Variants in HMCN2 observed in about 807,000 individuals in gnomAD.
The protein encoded by HMCN2 is hemicentin 2.
Under a neutral mutation model 377.5 loss-of-function variants are expected in HMCN2, and 325 were observed. The observed-to-expected ratio is 0.86, with a 90% CI of 0.79 to 0.94. HMCN2 has a LOEUF of 0.94. HMCN2 is among the 40% of genes least tolerant of loss of function. The pLI is 0.00. For synonymous variants in HMCN2, 2,007 were observed against 2,046.8 expected (o/e 0.98, Z 0.53); for missense variants, 4,543 against 4,725.3 (o/e 0.96, Z 1.13).
intron 37 of HMCN2, among the ~76,000 whole-genome samples, chr9:130,359,715 G>C (rs978948736): frequency 2.6e-5 from 4 of 152,132 alleles, no homozygotes; most frequent in African/African-American, 9.7e-5. Flanking sequence ...TGGTCTGTAG[G>C]GTCCTCCCCT....
rs1456517012 is a variant in HMCN2 at position 130,299,107 on chromosome 9, A to G, written c.1095A>G (p.Ser365=). The G allele has an allele frequency of 2.1e-6, 1 of 471,036 alleles. No individual in the cohort carries two copies. Among genetic ancestry groups the G allele is most frequent in the Non-Finnish European group, 4.4e-6 (1 of 227,028 alleles). 29.2% of individuals were successfully genotyped at this position (471,036 alleles called of 1,614,324 possible). A position where few individuals can be genotyped will look rare whatever the true frequency, so the allele number is the denominator to read the frequency against. ...ACTCGGTGGAGCTGGCACAAAGCTC[A>G]GGGAAGCCCCTCCTGACTCTGCCCA... The part of the protein sequence containing the change: ...RLDSVELAQS[S]GKPLLTLPTK... The change falls in exon 8 of 98, where the codon TCA becomes TCG. Residue 365 remains serine (S), a synonymous_variant. Coordinates refer to ENST00000683500, the MANE Select transcript of HMCN2 (RefSeq NM_001291815.2).
intron 49 of HMCN2, among the ~76,000 whole-genome samples, chr9:130,375,289 G>A (rs1841314026): frequency 6.6e-6 from 1 of 152,190 alleles, no homozygotes; most frequent in African/African-American, 2.4e-5. Flanking sequence ...AGAGAGGCTG[G>A]ATGTTGAGAA....
Position 130,403,056 on chromosome 9 carries a change from G to A in HMCN2, c.11879-138G>A, listed in dbSNP as rs537753772. On this transcript the variant is annotated intron_variant, in intron 78 of 97. Coordinates refer to ENST00000683500, the MANE Select transcript of HMCN2 (RefSeq NM_001291815.2). The stretch of plus-strand genomic sequence containing the variant: ...TGGCAGGAAAAGAATCAGCCATGGC[G>A]TCCTTGTTGCTGTGGCCGATGTTTC... 1.3e-5 allele frequency: 14 copies of A among 1,047,828 alleles called. No homozygotes were observed. The East Asian group carries it at 3.0e-4, about 23-fold the overall frequency. The allele number at this position is 1,047,828 out of a possible 1,614,324, so 64.9% of individuals were successfully genotyped here. A position where few individuals can be genotyped will look rare whatever the true frequency, so the allele number is the denominator to read the frequency against.
intron 26 of HMCN2, chr9:130,348,343 C>T (rs949124859): frequency 4.8e-5 from 33 of 691,896 alleles, no homozygotes; most frequent in East Asian, 1.3e-4. Flanking sequence ...GGCCTGGGCA[C>T]GACTGGGGGT....
At chr9:130,338,987 G>A (rs1409964707) in intron 23 of HMCN2, among the ~76,000 whole-genome samples, 2 of 152,100 alleles carry the variant, frequency 1.3e-5, no homozygotes, top group African/African-American at 2.4e-5. Flanking sequence ...CCAGAAGTTC[G>A]AGACCAGCCT....
In HMCN2 at chr9:130,424,768, C is replaced by A; in HGVS notation, c.13382-8C>A. 1 of 1,531,612 alleles carries A rather than the reference C, an allele frequency of 6.5e-7. No individual in the cohort carries two copies. The highest frequency in any genetic ancestry group is 8.8e-7 in the Non-Finnish European group (1 of 1,137,642). 94.9% of individuals were successfully genotyped at this position (1,531,612 alleles called of 1,614,324 possible). The stretch of plus-strand genomic sequence containing the variant: ...TCTAACCCGGCCTCTATGCCCTGCC[C>A]CACCCAGGGCCTCTGATGCGGGTGC... On this transcript the variant is annotated splice_region_variant and splice_polypyrimidine_tract_variant and intron_variant, in intron 87 of 97. Coordinates refer to ENST00000683500, the MANE Select transcript of HMCN2 (RefSeq NM_001291815.2).
chr9:130,311,624 C>T (rs1837245381), intron 15 of HMCN2, among the ~76,000 whole-genome samples: 1 of 152,178 alleles, frequency 6.6e-6, no homozygotes, highest in Non-Finnish European at 1.5e-5. Context: ...CCCAGGAAGA[C>T]TTCTTGGAGG....
intron 64 of HMCN2, 43 bp from the exon 65 acceptor site, chr9:130,391,407 G>A: frequency 1.8e-5 from 18 of 987,814 alleles, no homozygotes; most frequent in Non-Finnish European, 2.2e-5. Flanking sequence ...TAGGGCCCAT[G>A]TTCCCTTACG....
At position 130,433,642 on chromosome 9, in the gene HMCN2, C is replaced by T. The variant is rs748714889; in HGVS notation, c.15189C>T (p.Arg5063=). The T allele has an allele frequency of 2.6e-5, 40 of 1,519,126 alleles. No individual in the cohort carries two copies. The South Asian group carries it at 4.7e-4, about 18-fold the overall frequency. The allele number at this position is 1,519,126 out of a possible 1,614,324, so 94.1% of individuals were successfully genotyped here. A position where few individuals can be genotyped will look rare whatever the true frequency, so the allele number is the denominator to read the frequency against. ...TCACCGTGCGTGCTGCGGCACCGCG[C>T]CACCAAAGCGTCTTCGTCTTGCTCA... ...YRLTVRAAAP[R]HQSVFVLLIA... The change falls in exon 98 of 98, where the codon CGC becomes CGT. Residue 5063 remains arginine (R), a synonymous_variant. Coordinates refer to ENST00000683500, the MANE Select transcript of HMCN2 (RefSeq NM_001291815.2).
intron 48 of HMCN2, among the ~76,000 whole-genome samples, 175 bp downstream of exon 48, chr9:130,373,299 C>G (rs1206272352): frequency 2.6e-5 from 4 of 152,150 alleles, no homozygotes; most frequent in Non-Finnish European, 5.9e-5. Context: ...GTTCTTCCAT[C>G]CCAAACACTC....
intron 43 of HMCN2, 54 bp from the exon 44 acceptor site, chr9:130,368,222 C>T (rs1042679547): frequency 4.1e-6 from 4 of 971,302 alleles, no homozygotes; most frequent in Non-Finnish European, 4.9e-6. Flanking sequence ...TGTGGAAAGA[C>T]ATCACGTCCT....
chr9:130,421,207 G>A (rs763973259), intron 86 of HMCN2, among the ~76,000 whole-genome samples: 4 of 152,116 alleles, frequency 2.6e-5, no homozygotes, highest in South Asian at 2.1e-4. Flanking sequence ...GATTGGCTTC[G>A]TATCATTCCA....
rs952762263 is a variant in HMCN2 at position 130,371,010 on chromosome 9, T to A, written c.7116T>A (p.Thr2372=). 8 of 986,030 alleles carry A rather than the reference T, an allele frequency of 8.1e-6. No homozygotes were observed. The African/African-American group carries it at 1.4e-4, about 17-fold the overall frequency. 61.1% of individuals were successfully genotyped at this position (986,030 alleles called of 1,614,324 possible). ...IGDLDPLTNI[T]AALHSPLTLL... is the part of the protein sequence containing the mutation. ...ACTTGGACCCGCTGACCAACATCAC[T>A]GCTGCCTTGCACAGCCCCTTAACTC... The change falls in exon 46 of 98, where the codon ACT becomes ACA. Residue 2372 remains threonine, a synonymous_variant. Coordinates refer to ENST00000683500, the MANE Select transcript of HMCN2 (RefSeq NM_001291815.2).
Position 130,427,552 on chromosome 9 carries a change from A to G in HMCN2, c.13998A>G (p.Ala4666=). The G allele has an allele frequency of 6.5e-7, 1 of 1,550,208 alleles. No individual in the cohort carries two copies. The highest frequency in any genetic ancestry group is 8.7e-7 in the Non-Finnish European group (1 of 1,146,930). Residue 4666 remains alanine (A), a synonymous_variant, in exon 92 of 98, where the codon GCA becomes GCG. Coordinates refer to ENST00000683500, the MANE Select transcript of HMCN2 (RefSeq NM_001291815.2). ...PSPCSHACLN[A]PGRFSCTCPT... is the part of the protein sequence containing the mutation. ...CCTGCTCCCATGCCTGCCTTAATGC[A>G]CCCGGCCGCTTCTCCTGCACCTGCC...
At chr9:130,359,074 C>T (rs1840213912) in intron 36 of HMCN2, among the ~76,000 whole-genome samples, 1 of 152,118 alleles carries the variant, frequency 6.6e-6, no homozygotes, top group Admixed American at 6.5e-5. Flanking sequence ...GCTGTGCTGG[C>T]GTCGGCTGTC....
chr9:130,425,191 C>T, intron 89 of HMCN2, 61 bp downstream of exon 89: 12 of 1,473,086 alleles, frequency 8.1e-6, no homozygotes, highest in African/African-American at 1.4e-5. Context: ...AGGTGCCCGG[C>T]TCTCAACCAC....
At chr9:130,401,904 T>A (rs938205260) in intron 77 of HMCN2, among the ~76,000 whole-genome samples, 14 of 152,030 alleles carry the variant, frequency 9.2e-5, no homozygotes, top group African/African-American at 3.4e-4. Context: ...CAAGACCCCA[T>A]GTCTACAAAC....
chr9:130,341,997 G>A (rs1839075449), intron 24 of HMCN2, among the ~76,000 whole-genome samples: 1 of 143,610 alleles, frequency 7.0e-6, no homozygotes. Flanking sequence ...CCAACATAGT[G>A]AAACCCCATC....
chr9:130,359,657 G>C (rs1840253301), intron 37 of HMCN2, among the ~76,000 whole-genome samples: 1 of 152,232 alleles, frequency 6.6e-6, no homozygotes, highest in Non-Finnish European at 1.5e-5. Context: ...AAGCTTCACA[G>C]GGCTGTCCGG....
Sources: allele counts gnomAD v4.1 joint callset (sites outside exome capture counted in the v4.1 genomes callset), GRCh38; gene constraint gnomAD v4.1.1; transcripts MANE v1.5; gene names NCBI Gene and HGNC (gene_info 2026-07-23, HGNC 2026-07-21).